PLXNA2: variants seen among roughly 807,000 people sequenced by gnomAD.
PLXNA2 encodes the protein plexin A2.
PLXNA2 carries 91 observed loss-of-function variants against 193.5 expected under a neutral mutation model. That is an observed-to-expected ratio of 0.47 (90% CI 0.40 to 0.56). The LOEUF (loss-of-function observed/expected upper bound fraction) is 0.56. Among genes scored for constraint, PLXNA2 ranks in the 20% least tolerant of loss-of-function variants. The pLI is 0.00. For missense variants in PLXNA2, 1,995 were observed against 2,503.2 expected, an observed-to-expected ratio of 0.80 and a Z score of 4.33; for synonymous variants, 997 against 1,027.3, an observed-to-expected ratio of 0.97 and a Z score of 0.56.
chr1:208,072,052 T>C (rs1665994809), intron 12 of PLXNA2, among the ~76,000 whole-genome samples: 1 of 152,048 alleles, frequency 6.6e-6, no homozygotes, highest in African/African-American at 2.4e-5. Context: ...CCAGCAGGAG[T>C]GATGGATCAT....
rs758453033 is a variant in PLXNA2 at position 208,026,167 on chromosome 1, CA to C, written c.*1075del. 19 of 152,544 alleles carry C rather than the reference CA, an allele frequency of 1.2e-4. No homozygotes were observed. The highest frequency in any genetic ancestry group is 2.4e-4 in the Non-Finnish European group (16 of 68,040). 9.4% of individuals were successfully genotyped at this position (152,544 alleles called of 1,614,324 possible). A position where few individuals can be genotyped will look rare whatever the true frequency, so the allele number is the denominator to read the frequency against. On this transcript the variant is annotated 3_prime_UTR_variant, in exon 32 of 32. Coordinates refer to ENST00000367033, the MANE Select transcript of PLXNA2 (RefSeq NM_025179.4). ...AAGTCAAACACCTATGTCTCCAAAT[CA>C]ACTTTCAAATGGAACCTCGTGGAGG...
rs970362708 is a variant in PLXNA2 at position 208,035,736 on chromosome 1, T to C, written c.4765-1144A>G. Among the ~76,000 whole-genome samples, 4 of 152,194 alleles carry C rather than the reference T, an allele frequency of 2.6e-5. No individual in the cohort carries two copies. In the East Asian group the frequency reaches 5.8e-4, roughly 22 times the overall value. On this transcript the variant is annotated intron_variant, in intron 26 of 31. Transcript: ENST00000367033. ...ATTTTTATGAACTTTATAAGTTTGA[T>C]TTATAGCTGCACCAGTCATAAAACC...
At chr1:208,089,593 G>A (rs185358326) in intron 9 of PLXNA2, among the ~76,000 whole-genome samples, 5 of 152,284 alleles carry the variant, frequency 3.3e-5, no homozygotes, top group Admixed American at 2.6e-4. Flanking sequence ...AAGTTCCCAG[G>A]TGATGCTGAT....
intron 3 of PLXNA2, among the ~76,000 whole-genome samples, chr1:208,200,974 G>A (rs546345674): frequency 2.6e-4 from 39 of 152,308 alleles, no homozygotes; most frequent in African/African-American, 9.1e-4. Flanking sequence ...GAGAATTTGG[G>A]ACTGTGGCAG....
intron 3 of PLXNA2, among the ~76,000 whole-genome samples, chr1:208,144,946 A>G (rs1025769209): frequency 4.6e-5 from 7 of 152,080 alleles, no homozygotes; most frequent in African/African-American, 1.7e-4. Flanking sequence ...TGATGATGAG[A>G]TTCAAGCAGA....
intron 17 of PLXNA2, among the ~76,000 whole-genome samples, chr1:208,048,384 C>G (rs1159421548): frequency 1.3e-5 from 2 of 152,162 alleles, no homozygotes; most frequent in Admixed American, 1.3e-4. Flanking sequence ...AGCAGAAGCA[C>G]AGGGCAGGGG....
intron 12 of PLXNA2, among the ~76,000 whole-genome samples, chr1:208,073,929 C>T (rs1054057243): frequency 6.6e-6 from 1 of 152,140 alleles, no homozygotes; most frequent in Non-Finnish European, 1.5e-5. Flanking sequence ...CCCCTCACAG[C>T]GCTCAGAAGG....
chr1:208,156,289 C>T (rs1319177817), intron 3 of PLXNA2, among the ~76,000 whole-genome samples: 2 of 152,190 alleles, frequency 1.3e-5, no homozygotes, highest in Non-Finnish European at 2.9e-5. Flanking sequence ...TCTTCAGCTT[C>T]CCTGGAGTGG....
At chr1:208,142,991 A>G (rs1668500711) in intron 3 of PLXNA2, among the ~76,000 whole-genome samples, 1 of 152,184 alleles carries the variant, frequency 6.6e-6, no homozygotes, top group African/African-American at 2.4e-5. Flanking sequence ...ATATGCCCTG[A>G]CTGTCCACAA....
intron 4 of PLXNA2, among the ~76,000 whole-genome samples, chr1:208,120,437 G>A (rs1006283456): frequency 1.3e-5 from 2 of 152,184 alleles, no homozygotes; most frequent in African/African-American, 4.8e-5. Flanking sequence ...GGAGGGGCAG[G>A]CAGCACTTTT....
intron 4 of PLXNA2, among the ~76,000 whole-genome samples, chr1:208,111,406 T>C (rs1035479840): frequency 1.4e-4 from 21 of 152,188 alleles, no homozygotes; most frequent in African/African-American, 4.6e-4. Context: ...AGAACGATAA[T>C]GGAAGAGGCT....
In PLXNA2 at chr1:208,028,475, C is replaced by T. The variant is rs976798170; in HGVS notation, c.5439-316G>A. The stretch of plus-strand genomic sequence containing the variant: ...TACCTGCTAGCTGTGTGACGCAGGG[C>T]AAGTTATTTACCCTCTCTGTACCTC... On this transcript the variant is annotated intron_variant, in intron 30 of 31. Transcript: ENST00000367033. The surrounding 1 kb of genome is among the most constrained non-coding windows in gnomAD (Gnocchi z 4.2). Among the ~76,000 whole-genome samples, 4 of 152,142 alleles carry T rather than the reference C, an allele frequency of 2.6e-5. No individual in the cohort carries two copies. Among genetic ancestry groups the T allele is most frequent in the Admixed American group, 2.0e-4 (3 of 15,276 alleles).
chr1:208,187,549 G>A (rs1192958342), intron 3 of PLXNA2, among the ~76,000 whole-genome samples: 1 of 152,180 alleles, frequency 6.6e-6, no homozygotes, highest in Non-Finnish European at 1.5e-5. Context: ...CTTCCCTAAA[G>A]CTGACTCATG....
chr1:208,110,432 C>A (rs1170486245), intron 4 of PLXNA2, among the ~76,000 whole-genome samples: 1 of 152,246 alleles, frequency 6.6e-6, no homozygotes, highest in East Asian at 1.9e-4. Context: ...GCACTGAGGT[C>A]TCCTGACAGC....
intron 9 of PLXNA2, among the ~76,000 whole-genome samples, chr1:208,092,090 G>C (rs1326987019): frequency 6.6e-6 from 1 of 152,184 alleles, no homozygotes; most frequent in Admixed American, 6.5e-5. Context: ...AGGCTTCACT[G>C]TCCTGAGACA....
chr1:208,089,967 G>A (rs1204155673), intron 9 of PLXNA2, among the ~76,000 whole-genome samples: 1 of 152,180 alleles, frequency 6.6e-6, no homozygotes, highest in East Asian at 1.9e-4. Context: ...CAGGGATGGG[G>A]TTCTCCTAAA....
intron 1 of PLXNA2, among the ~76,000 whole-genome samples, chr1:208,232,041 T>C (rs1671708520): frequency 6.6e-6 from 1 of 152,206 alleles, no homozygotes; most frequent in African/African-American, 2.4e-5. Flanking sequence ...CTGTGAATGT[T>C]TAGAGGAAAA....
chr1:208,043,857 A>G (rs1224689087), intron 20 of PLXNA2, among the ~76,000 whole-genome samples: 2 of 152,224 alleles, frequency 1.3e-5, no homozygotes, highest in Admixed American at 1.3e-4. Context: ...AAAAGGAGAA[A>G]TGTTTTCATT....
At chr1:208,186,425 C>T (rs963724930) in intron 3 of PLXNA2, among the ~76,000 whole-genome samples, 2 of 152,046 alleles carry the variant, frequency 1.3e-5, no homozygotes, top group African/African-American at 4.8e-5. Flanking sequence ...AACAAACAAA[C>T]GGAAAAAAAC....
Sources: gnomAD v4.1 joint callset for allele counts (sites outside exome capture counted in the v4.1 genomes callset) on GRCh38, gnomAD v4.1.1 for gene constraint, Gnocchi (gnomAD v3.1) non-coding constraint, MANE v1.5 for transcripts, NCBI Gene and HGNC (gene_info 2026-07-23, HGNC 2026-07-21) for gene names.